DENND1B: variants seen among roughly 807,000 people sequenced by gnomAD.
DENND1B encodes DENN domain-containing protein 1B.
Under a neutral mutation model 90.1 loss-of-function variants are expected in DENND1B, and 59 were observed. That is an observed-to-expected ratio of 0.65 (90% CI 0.53 to 0.81). DENND1B has a LOEUF of 0.81. Ranked by LOEUF, DENND1B falls within the 40% of genes least tolerant of loss-of-function variation. DENND1B has a pLI of 0.00. For synonymous variants in DENND1B, 337 were observed against 324.6 expected, an observed-to-expected ratio of 1.04 and a Z score of -0.41; for missense variants, 862 against 912.6, an observed-to-expected ratio of 0.94 and a Z score of 0.71.
At chr1:197,660,187 G>C (rs1316569602) in intron 5 of DENND1B, among the ~76,000 whole-genome samples, 2 of 151,820 alleles carry the variant, frequency 1.3e-5, no homozygotes, top group African/African-American at 4.8e-5. Flanking sequence ...AAATCTCCCA[G>C]AAACTAGAAT....
intron 14 of DENND1B, among the ~76,000 whole-genome samples, chr1:197,587,894 C>G (rs969338533): frequency 6.6e-6 from 1 of 151,894 alleles, no homozygotes; most frequent in African/African-American, 2.4e-5. Flanking sequence ...TAATGGGAGA[C>G]AGTGACAGAT....
intron 20 of DENND1B, among the ~76,000 whole-genome samples, chr1:197,538,777 T>C (rs1489182192): frequency 1.3e-5 from 2 of 151,768 alleles, no homozygotes; most frequent in Non-Finnish European, 2.9e-5. Context: ...AAATCTCATG[T>C]TGAAATTTAA....
In DENND1B at chr1:197,603,787, T is replaced by C. The variant is rs58473248; in HGVS notation, c.921+3286A>G. 6.5e-3 allele frequency among the ~76,000 whole-genome samples: 985 copies of C among 151,378 alleles called. 4 individuals are homozygous for C. Among genetic ancestry groups the C allele is most frequent in the African/African-American group, 0.022 (907 of 41,440 alleles). On this transcript the variant is annotated intron_variant, in intron 13 of 22. Coordinates refer to ENST00000620048, the MANE Select transcript of DENND1B (RefSeq NM_001195215.2). ...AAAAATTAAAATGAGCAGGAATATCTCAGAAATATATTTTAAATTATTATG... is the reference window on the plus strand; with the variant it reads ...AAAAATTAAAATGAGCAGGAATATCCCAGAAATATATTTTAAATTATTATG...
chr1:197,509,235 A>C lies in DENND1B; in HGVS notation c.*1225T>G, dbSNP rs1392070302. On this transcript the variant is annotated 3_prime_UTR_variant, in exon 23 of 23. Coordinates refer to ENST00000620048, the MANE Select transcript of DENND1B (RefSeq NM_001195215.2). ...AACTCCAAGAGAGGAGCATGCTACAATTTATCTGACAGTACTCTTCAAAGC... is the reference window on the plus strand; with the variant it reads ...AACTCCAAGAGAGGAGCATGCTACACTTTATCTGACAGTACTCTTCAAAGC... 6.6e-6 allele frequency: 1 copy of C among 151,796 alleles called. No individual in the cohort carries two copies. The highest frequency in any genetic ancestry group is 1.5e-5 in the Non-Finnish European group (1 of 67,876). The allele number at this position is 151,796 out of a possible 1,614,324, so 9.4% of individuals were successfully genotyped here.
At chr1:197,731,721 A>G (rs1662168852) in intron 2 of DENND1B, among the ~76,000 whole-genome samples, 1 of 152,068 alleles carries the variant, frequency 6.6e-6, no homozygotes, top group Non-Finnish European at 1.5e-5. Flanking sequence ...AAAAGGAAAA[A>G]CTTTTAAAAT....
chr1:197,647,366 A>C (rs1049137022), intron 7 of DENND1B, among the ~76,000 whole-genome samples: 7 of 151,914 alleles, frequency 4.6e-5, no homozygotes, highest in African/African-American at 1.7e-4. Flanking sequence ...AAATGTTTCA[A>C]AAAAAAGCAT....
intron 2 of DENND1B, among the ~76,000 whole-genome samples, chr1:197,770,371 T>C (rs1480412359): frequency 6.6e-6 from 1 of 151,750 alleles, no homozygotes; most frequent in African/African-American, 2.4e-5. Context: ...AGGGCAGAAG[T>C]AGAAGATACA....
intron 7 of DENND1B, among the ~76,000 whole-genome samples, chr1:197,648,916 C>A (rs2125929379): frequency 6.6e-6 from 1 of 152,242 alleles, no homozygotes; most frequent in South Asian, 2.1e-4. Flanking sequence ...TTAAAAATTC[C>A]AGGTTATCCT....
chr1:197,761,236 G>A (rs1305494782), intron 2 of DENND1B, among the ~76,000 whole-genome samples: 1 of 152,042 alleles, frequency 6.6e-6, no homozygotes, highest in Non-Finnish European at 1.5e-5. Flanking sequence ...TTCATTAACT[G>A]CTTATAATTA....
intron 2 of DENND1B, among the ~76,000 whole-genome samples, chr1:197,756,556 A>G (rs923451119): frequency 2.1e-5 from 3 of 141,270 alleles, no homozygotes; most frequent in African/African-American, 7.9e-5. Context: ...AGACTGGGCA[A>G]CAGAGCAAGT....
intron 2 of DENND1B, among the ~76,000 whole-genome samples, chr1:197,720,655 C>T (rs1017670443): frequency 6.6e-6 from 1 of 152,128 alleles, no homozygotes; most frequent in Non-Finnish European, 1.5e-5. Flanking sequence ...AAGATCGACA[C>T]TTTTGCCATT....
chr1:197,642,137 C>T (rs1680321544), intron 10 of DENND1B, among the ~76,000 whole-genome samples: 1 of 151,968 alleles, frequency 6.6e-6, no homozygotes, highest in Non-Finnish European at 1.5e-5. Context: ...CCTGCCTTTA[C>T]CATATTAATA....
chr1:197,597,918 C>T (rs1346731118), intron 13 of DENND1B, among the ~76,000 whole-genome samples: 1 of 151,736 alleles, frequency 6.6e-6, no homozygotes, highest in African/African-American at 2.4e-5. Flanking sequence ...ACAAAAAAAA[C>T]TCAATAATGT....
intron 16 of DENND1B, among the ~76,000 whole-genome samples, chr1:197,550,771 C>T (rs1336135880): frequency 6.6e-6 from 1 of 150,582 alleles, no homozygotes; most frequent in Non-Finnish European, 1.5e-5. Flanking sequence ...ATGTAACTAA[C>T]CTGCATGTTG....
intron 15 of DENND1B, among the ~76,000 whole-genome samples, chr1:197,572,738 C>T (rs928866385): frequency 1.3e-5 from 2 of 152,196 alleles, no homozygotes; most frequent in African/African-American, 4.8e-5. Context: ...GCAATATTTA[C>T]TGTTCTGCAG....
chr1:197,540,468 C>A (rs1670255098), intron 19 of DENND1B, among the ~76,000 whole-genome samples: 1 of 151,894 alleles, frequency 6.6e-6, no homozygotes, highest in African/African-American at 2.4e-5. Context: ...AAATTAAAAT[C>A]AACACACATA....
chr1:197,540,246 AAATTT>A (rs1198990732), intron 19 of DENND1B, among the ~76,000 whole-genome samples, 175 bp from the exon 20 acceptor site: 2 of 151,944 alleles, frequency 1.3e-5, no homozygotes, highest in African/African-American at 4.8e-5. Flanking sequence ...CAAAATTAAT[AAATTT>A]AATTAAATAA....
At chr1:197,625,735 T>C (rs1468701992) in intron 10 of DENND1B, among the ~76,000 whole-genome samples, 1 of 151,724 alleles carries the variant, frequency 6.6e-6, no homozygotes, top group Non-Finnish European at 1.5e-5. Flanking sequence ...GGATAAAGAG[T>C]CAAGACCCAT....
intron 3 of DENND1B, among the ~76,000 whole-genome samples, chr1:197,707,016 C>A (rs1659604254): frequency 6.6e-6 from 1 of 151,900 alleles, no homozygotes; most frequent in Admixed American, 6.6e-5. Context: ...ACCTAAGTGT[C>A]CATAAACAAA....
Sources: allele counts gnomAD v4.1 joint callset (sites outside exome capture counted in the v4.1 genomes callset), GRCh38; gene constraint gnomAD v4.1.1; transcripts MANE v1.5; gene names NCBI Gene and HGNC (gene_info 2026-07-23, HGNC 2026-07-21).